The following LTBP4 variants were observed in gnomAD, a reference collection of about 807,000 sequenced individuals.
The protein encoded by LTBP4 is latent transforming growth factor beta binding protein 4.
Under a neutral mutation model 180.2 loss-of-function variants are expected in LTBP4, and 93 were observed. That is an observed-to-expected ratio of 0.52 (90% CI 0.44 to 0.61). The LOEUF (loss-of-function observed/expected upper bound fraction) is 0.61, where lower values mean the gene tolerates loss of function less well. Ranked by LOEUF, LTBP4 falls within the 20% of genes least tolerant of loss-of-function variation. LTBP4 has a pLI of 0.00. For synonymous variants in LTBP4, 947 were observed against 934.5 expected, an observed-to-expected ratio of 1.01 and a Z score of -0.24; for missense variants, 2,116 against 2,256.5, an observed-to-expected ratio of 0.94 and a Z score of 1.26.
In LTBP4 at chr19:40,605,945, C is replaced by A; in HGVS notation, c.793+114C>A. 8.3e-7 allele frequency: 1 copy of A among 1,208,854 alleles called. No individual in the cohort carries two copies. Among genetic ancestry groups the A allele is most frequent in the Non-Finnish European group, 1.1e-6 (1 of 878,998 alleles). 74.9% of individuals were successfully genotyped at this position (1,208,854 alleles called of 1,614,324 possible). A position where few individuals can be genotyped will look rare whatever the true frequency, so the allele number is the denominator to read the frequency against. On this transcript the variant is annotated intron_variant, in intron 4 of 29. Transcript: ENST00000396819. The surrounding 1 kb of genome is among the most constrained non-coding windows in gnomAD (Gnocchi z 5.5). The stretch of plus-strand genomic sequence containing the variant: ...TTCACAAATTGTAGCCACGCCTACC[C>A]CATTGTGGAGGCGACTTCCAGTCCT...
rs757926904 is a variant in LTBP4 at position 40,627,887 on chromosome 19, A to G, written c.4519+30A>G. 8.4e-6 allele frequency: 13 copies of G among 1,544,166 alleles called. No individual in the cohort carries two copies. In the Admixed American group the frequency reaches 1.7e-4, roughly 21 times the overall value. On this transcript the variant is annotated intron_variant, in intron 29 of 29. Coordinates refer to ENST00000396819, the MANE Select transcript of LTBP4 (RefSeq NM_001042545.2). ...GGGCGGGCCCGGGGCCAGCATGCGC[A>G]GGGAGAGGCGAGGCTTGTCCAGGGA...
chr19:40,611,737 A>G lies in LTBP4; in HGVS notation c.2054-122A>G. ...GGAAGGTGTCTGTCTTCCTGGGAAG[A>G]GGGAGCAGCCTGAGGCAAGTCCAGA... On this transcript the variant is annotated intron_variant, in intron 13 of 29. Coordinates refer to ENST00000396819, the MANE Select transcript of LTBP4 (RefSeq NM_001042545.2). This position sits in a 1 kb window ranked among gnomAD's most constrained non-coding sequence, Gnocchi z 4.4. 7.1e-7 allele frequency: 1 copy of G among 1,415,986 alleles called. No individual in the cohort carries two copies. Among genetic ancestry groups the G allele is most frequent in the African/African-American group, 1.4e-5 (1 of 70,072 alleles). 87.7% of individuals were successfully genotyped at this position (1,415,986 alleles called of 1,614,324 possible).
chr19:40,596,283 A>G (rs1289529744), intron 1 of LTBP4, among the ~76,000 whole-genome samples: 1 of 152,068 alleles, frequency 6.6e-6, no homozygotes, highest in African/African-American at 2.4e-5. Flanking sequence ...GGCTCACCTC[A>G]AACTCCTGGA....
At chr19:40,610,017 C>A in intron 11 of LTBP4, 146 bp downstream of exon 11, 1 of 1,134,870 alleles carries the variant, frequency 8.8e-7, no homozygotes, top group African/African-American at 1.6e-5. Context: ...CTGCCCTTCC[C>A]TGACCCGCCT....
intron 29 of LTBP4, among the ~76,000 whole-genome samples, chr19:40,628,364 C>A (rs1222879667): frequency 6.6e-6 from 1 of 152,076 alleles, no homozygotes; most frequent in East Asian, 1.9e-4. Context: ...TATGGTGAAA[C>A]CCCGTCTCTA....
rs2081375127 is a variant in LTBP4 at position 40,593,172 on chromosome 19, G to A, written c.7G>A (p.Asp3Asn). 2 of 1,613,808 alleles carry A rather than the reference G, an allele frequency of 1.2e-6. No individual in the cohort carries two copies. Among genetic ancestry groups the A allele is most frequent in the Non-Finnish European group, 1.7e-6 (2 of 1,179,824 alleles). The change falls in exon 1 of 33, where the codon GAC (aspartate) becomes AAC (asparagine). Residue 3 changes from aspartate (D) to asparagine (N), a missense_variant. Coordinates refer to the LTBP4 transcript ENST00000204005. ...CAGAGAATCTGGAACACAAATGGGA[G>A]ACGTAAAAGGTGAGTGCCTCTGAAA...
rs751507666 is a variant in LTBP4, at chr19:40,614,040, T to C, written c.2680+2T>C. On this transcript the variant is annotated splice_donor_variant, in intron 18 of 29. Coordinates refer to ENST00000396819, the MANE Select transcript of LTBP4 (RefSeq NM_001042545.2). LOFTEE classifies it high-confidence loss of function. ...GCCCGGACCTCGCCTCCTGCCTCGGTGAGAGGCCCCGCCCCGGCCTGATCC... is the reference window on the plus strand; with the variant it reads ...GCCCGGACCTCGCCTCCTGCCTCGGCGAGAGGCCCCGCCCCGGCCTGATCC... 3.1e-6 allele frequency: 5 copies of C among 1,611,894 alleles called. No homozygotes were observed. Among genetic ancestry groups the C allele is most frequent in the Non-Finnish European group, 4.2e-6 (5 of 1,179,648 alleles).
At position 40,613,537 on chromosome 19, in the gene LTBP4, C is replaced by A; in HGVS notation, c.2557+8C>A. The A allele has an allele frequency of 6.4e-7, 1 of 1,562,662 alleles. No homozygotes were observed. The highest frequency in any genetic ancestry group is 8.7e-7 in the Non-Finnish European group (1 of 1,155,152). On this transcript the variant is annotated splice_region_variant and intron_variant, in intron 17 of 29. Coordinates refer to ENST00000396819, the MANE Select transcript of LTBP4 (RefSeq NM_001042545.2). The surrounding 1 kb of genome is among the most constrained non-coding windows in gnomAD (Gnocchi z 5.0). ...GCGGAGCCTCTTGCCTCGGTTCGTACCCGGGCTGATCCTGGCCCCGGAAAG... is the reference window on the plus strand; with the variant it reads ...GCGGAGCCTCTTGCCTCGGTTCGTAACCGGGCTGATCCTGGCCCCGGAAAG...
chr19:40,614,504 C>G, intron 19 of LTBP4, 58 bp downstream of exon 19: 1 of 1,554,416 alleles, frequency 6.4e-7, no homozygotes, highest in South Asian at 1.2e-5. Context: ...GGAGGCTGCT[C>G]CCTTGGGGAC....
At chr19:40,612,938 A>T (rs538684459) in intron 15 of LTBP4, 127 bp from the exon 16 acceptor site, 1 of 924,476 alleles carries the variant, frequency 1.1e-6, no homozygotes, top group South Asian at 1.6e-5. Context: ...CACCTCTGCC[A>T]TAGAGCCCTC....
At chr19:40,595,276 T>A (rs1416524209) in intron 1 of LTBP4, among the ~76,000 whole-genome samples, 2 of 152,048 alleles carry the variant, frequency 1.3e-5, no homozygotes, top group Non-Finnish European at 2.9e-5. Flanking sequence ...GGGCTTGTAT[T>A]TCAGAGAATA....
chr19:40,595,112 C>T (rs2081383587), intron 1 of LTBP4, among the ~76,000 whole-genome samples: 1 of 151,970 alleles, frequency 6.6e-6, no homozygotes, highest in Non-Finnish European at 1.5e-5. Flanking sequence ...GGCCTGGAAC[C>T]CCAAAGCGAA....
chr19:40,605,615 G>A lies in LTBP4; in HGVS notation c.653G>A (p.Gly218Asp), dbSNP rs1310492385. 4 of 1,594,404 alleles carry A rather than the reference G, an allele frequency of 2.5e-6. No individual in the cohort carries two copies. Among genetic ancestry groups the A allele is most frequent in the Non-Finnish European group, 1.7e-6 (2 of 1,170,624 alleles). Residue 218 changes from glycine (G) to aspartate (D), a missense_variant, in exon 3 of 30, where the codon GGC (glycine) becomes GAC (aspartate). Around this residue, in one of 5 missense-constraint regions of LTBP4, gnomAD observed 469 missense variants for 532.5 expected, o/e 0.88. Transcript: ENST00000396819. The surrounding 1 kb of genome is among the most constrained non-coding windows in gnomAD (Gnocchi z 5.5). The stretch of plus-strand genomic sequence containing the variant: ...GAGGACGGCTACTCAGATGCCTCGG[G>A]CTTCGGTTACTGCTTTCGGGAGCTG... ...PREDGYSDAS[G>D]FGYCFRELRG... is the part of the protein sequence containing the mutation.
chr19:40,601,453 G>A lies in LTBP4; in HGVS notation c.66G>A (p.Gln22=). ...TGCTGCTGGCGCAGCTAGGGCCGCA[G>A]CCTGGACTGGGCCGGCTCGGAGAGC... ...LLVLLAQLGP[Q]PGLGRLGERL... is the part of the protein sequence containing the mutation. The change falls in exon 1 of 30, where the codon CAG becomes CAA. Residue 22 remains glutamine, a synonymous_variant. Transcript: ENST00000396819. 1.3e-6 allele frequency: 2 copies of A among 1,481,690 alleles called. No homozygotes were observed. Among genetic ancestry groups the A allele is most frequent in the Non-Finnish European group, 8.9e-7 (1 of 1,121,568 alleles). The allele number at this position is 1,481,690 out of a possible 1,614,324, so 91.8% of individuals were successfully genotyped here.
At chr19:40,623,803 A>G (rs2081604598) in intron 25 of LTBP4, 71 bp downstream of exon 25, 1 of 1,602,232 alleles carries the variant, frequency 6.2e-7, no homozygotes, top group Admixed American at 1.7e-5. Context: ...CCCCTCTGGA[A>G]TGTGGCCACC....
intron 1 of LTBP4, among the ~76,000 whole-genome samples, chr19:40,593,887 G>A (rs1473616317): frequency 3.3e-5 from 5 of 152,000 alleles, no homozygotes; most frequent in African/African-American, 4.8e-5. Context: ...TCTGCCTCCC[G>A]GGTTCAAGTG....
rs376368630 is a variant in LTBP4 at position 40,625,901 on chromosome 19, G to A, written c.3877G>A (p.Val1293Met). 116 of 1,600,402 alleles carry A rather than the reference G, an allele frequency of 7.2e-5. 1 individual carries two copies. In the East Asian group the frequency reaches 7.9e-4, roughly 11 times the overall value. ...CTGGCAGGAAGTGGGGGCTGACCTC[G>A]TGTGCAGCCACCCTCGGCTGGACCG... is the stretch of plus-strand genomic sequence containing the variant. The part of the protein sequence containing the change: ...VCWQEVGADL[V>M]CSHPRLDRQA... Residue 1293 changes from valine to methionine, a missense_variant, in exon 27 of 30, where the codon GTG becomes ATG. Physicochemically the swap from Val to Met is conservative, Grantham distance 21. Coordinates refer to ENST00000396819, the MANE Select transcript of LTBP4 (RefSeq NM_001042545.2).
chr19:40,618,064 CTTTTTTTTTTTTACTTTGAGGTGGGG>C (rs1173307797), intron 21 of LTBP4, among the ~76,000 whole-genome samples: 1 of 145,720 alleles, frequency 6.9e-6, no homozygotes, highest in Non-Finnish European at 1.5e-5. Flanking sequence ...TCTCTTCTCT[CTTTTTTTTTTTTACTTTGAGGTGGGG>C]TCTTGCTCTG....
chr19:40,606,323 G>A lies in LTBP4; in HGVS notation c.868+16G>A, dbSNP rs377044176. On this transcript the variant is annotated intron_variant, in intron 5 of 29. Transcript: ENST00000396819. ...TCCTGCGAAGGTGCAACGGGGCAGG[G>A]GTGGGAGGGGCTTGGTTCTGGGGGC... The A allele has an allele frequency of 8.7e-6, 14 of 1,600,800 alleles. No individual in the cohort carries two copies. In the African/African-American group the frequency reaches 1.3e-4, roughly 15 times the overall value.
Sources: gnomAD v4.1 joint callset for allele counts (sites outside exome capture counted in the v4.1 genomes callset) on GRCh38, gnomAD v4.1.1 for gene constraint, gnomAD v4.1.1 regional missense constraint, Gnocchi (gnomAD v3.1) non-coding constraint, MANE v1.5 for transcripts, NCBI Gene and HGNC (gene_info 2026-07-23, HGNC 2026-07-21) for gene names.